PRLR: variants seen among roughly 807,000 people sequenced by gnomAD.
PRLR encodes the protein hPRL receptor.
A neutral mutation model predicts 40.2 loss-of-function variants in PRLR; 13 were observed. The ratio of observed to expected loss-of-function variants is 0.32; its 90% CI spans 0.21 to 0.51. PRLR has a LOEUF of 0.51. PRLR is among the 20% of genes least tolerant of loss of function. PRLR has a pLI of 0.97. For synonymous variants in PRLR, 269 were observed against 278.7 expected (o/e 0.97, Z 0.35); for missense variants, 656 against 747.3 (o/e 0.88, Z 1.42).
At chr5:35,109,931 G>A (rs192145886) in intron 2 of PRLR, among the ~76,000 whole-genome samples, 250 of 152,222 alleles carry the variant, frequency 1.6e-3, no homozygotes, top group African/African-American at 4.9e-3. Flanking sequence ...TGTTTATTGC[G>A]GCACTATTCA....
At chr5:35,177,602 C>A (rs1463105346) in intron 1 of PRLR, among the ~76,000 whole-genome samples, 1 of 152,094 alleles carries the variant, frequency 6.6e-6, no homozygotes, top group African/African-American at 2.4e-5. Context: ...CTTACCATAA[C>A]ATTTTTGAGG....
At chr5:35,116,564 G>A (rs931237469) in intron 2 of PRLR, among the ~76,000 whole-genome samples, 7 of 152,122 alleles carry the variant, frequency 4.6e-5, no homozygotes, top group African/African-American at 1.7e-4. Context: ...AACTCTTAAA[G>A]GAAAGGTCCA....
At chr5:35,225,161 A>C (rs889898591) in intron 1 of PRLR, among the ~76,000 whole-genome samples, 1 of 152,226 alleles carries the variant, frequency 6.6e-6, no homozygotes, top group Non-Finnish European at 1.5e-5. Context: ...TTAAAGGTAA[A>C]ACTTTAAATC....
intron 1 of PRLR, among the ~76,000 whole-genome samples, chr5:35,192,740 A>G (rs1486029759): frequency 6.6e-6 from 1 of 152,220 alleles, no homozygotes; most frequent in African/African-American, 2.4e-5. Flanking sequence ...GCCCCAAGAA[A>G]ACAGATTCTT....
chr5:35,180,413 TTCTC>T (rs1775262321), intron 1 of PRLR, among the ~76,000 whole-genome samples: 1 of 152,100 alleles, frequency 6.6e-6, no homozygotes, highest in Admixed American at 6.6e-5. Context: ...TGGCACCTTG[TTCTC>T]TCTCTCACTC....
At chr5:35,223,107 G>A (rs1174825074) in intron 1 of PRLR, among the ~76,000 whole-genome samples, 2 of 152,258 alleles carry the variant, frequency 1.3e-5, no homozygotes, top group East Asian at 1.9e-4. Context: ...ATCACCACGA[G>A]GAATTATCTG....
chr5:35,210,231 T>TA (rs1776135157), intron 1 of PRLR, among the ~76,000 whole-genome samples: 1 of 152,198 alleles, frequency 6.6e-6, no homozygotes, highest in Admixed American at 6.5e-5. Flanking sequence ...TTACCATACT[T>TA]ATAAATGCAA....
rs1769075040 is a variant in PRLR at position 35,062,155 on chromosome 5, G to A, written c.*2934C>T. On this transcript the variant is annotated 3_prime_UTR_variant, in exon 10 of 10. Transcript: ENST00000618457. Reference sequence around the variant, plus strand: ...AGAGCACATCACTGAAGATTACTTTGTATTTCTATGATGAAGAGCAATTTT... The same window carrying A: ...AGAGCACATCACTGAAGATTACTTTATATTTCTATGATGAAGAGCAATTTT... 1 of 152,150 alleles carries A rather than the reference G, an allele frequency of 6.6e-6. No individual in the cohort carries two copies. The highest frequency in any genetic ancestry group is 6.5e-5 in the Admixed American group (1 of 15,270). The allele number at this position is 152,150 out of a possible 1,614,324, so 9.4% of individuals were successfully genotyped here.
chr5:35,068,353 A>G (rs1769510757), intron 8 of PRLR, 68 bp from the exon 9 acceptor site: 3 of 1,375,536 alleles, frequency 2.2e-6, no homozygotes, highest in Non-Finnish European at 3.1e-6. Flanking sequence ...AAAGGTTAGT[A>G]TAATAGCCAC....
intron 2 of PRLR, among the ~76,000 whole-genome samples, chr5:35,092,014 C>G (rs1374355127): frequency 3.3e-5 from 5 of 152,106 alleles, no homozygotes; most frequent in African/African-American, 1.2e-4. Flanking sequence ...AAGCAGGGCT[C>G]CATGCGTTTT....
At chr5:35,202,918 C>G (rs898390287) in intron 1 of PRLR, among the ~76,000 whole-genome samples, 1 of 152,136 alleles carries the variant, frequency 6.6e-6, no homozygotes, top group African/African-American at 2.4e-5. Flanking sequence ...CCTGAAAATA[C>G]CAGTGCAAAT....
chr5:35,188,769 C>A (rs556539182), intron 1 of PRLR, among the ~76,000 whole-genome samples: 1 of 152,316 alleles, frequency 6.6e-6, no homozygotes, highest in Admixed American at 6.5e-5. Context: ...GTCCACTGTC[C>A]TGGGAGCTTT....
chr5:35,211,629 T>C (rs1776170730), intron 1 of PRLR, among the ~76,000 whole-genome samples: 1 of 152,198 alleles, frequency 6.6e-6, no homozygotes, highest in Non-Finnish European at 1.5e-5. Flanking sequence ...TATAACCTGA[T>C]AGTTAACTTA....
chr5:35,122,827 C>T (rs555435161), intron 1 of PRLR, among the ~76,000 whole-genome samples: 1 of 152,210 alleles, frequency 6.6e-6, no homozygotes, highest in South Asian at 2.1e-4. Context: ...AAGGCATGGG[C>T]CTTGTTTAGG....
chr5:35,182,919 T>C (rs62355518), intron 1 of PRLR, among the ~76,000 whole-genome samples: 28,295 of 152,212 alleles, frequency 0.19, 2,849 homozygotes, highest in African/African-American at 0.26. Flanking sequence ...AAACAGTTAA[T>C]GTGGGAAATA....
chr5:35,204,389 G>A (rs1035430579), intron 1 of PRLR, among the ~76,000 whole-genome samples: 4 of 151,998 alleles, frequency 2.6e-5, no homozygotes, highest in African/African-American at 9.7e-5. Context: ...ATGAGGATGG[G>A]GATGGGCCGC....
rs538049228 is a variant in PRLR, at chr5:35,056,159, A to G, written c.*8930T>C. On this transcript the variant is annotated 3_prime_UTR_variant, in exon 10 of 10. Coordinates refer to ENST00000618457, the MANE Select transcript of PRLR (RefSeq NM_000949.7). ...ATGTGAACCTGATGATAACAAGAGA[A>G]AAATGCTTAACATTAGCAGGGGCAG... 2 of 152,342 alleles carry G rather than the reference A, an allele frequency of 1.3e-5. No homozygotes were observed. The highest frequency in any genetic ancestry group is 1.3e-4 in the Admixed American group (2 of 15,294). The allele number at this position is 152,342 out of a possible 1,614,324, so 9.4% of individuals were successfully genotyped here.
intron 1 of PRLR, among the ~76,000 whole-genome samples, chr5:35,194,115 G>A (rs751616065): frequency 1.3e-5 from 2 of 152,184 alleles, no homozygotes; most frequent in East Asian, 1.9e-4. Context: ...ACAACTGCCC[G>A]AGATGACTGG....
intron 1 of PRLR, among the ~76,000 whole-genome samples, chr5:35,155,151 A>G (rs1156629450): frequency 1.3e-5 from 2 of 152,214 alleles, no homozygotes; most frequent in East Asian, 3.8e-4. Flanking sequence ...CTTAAAATAA[A>G]AACTGAAGAT....
Sources: gnomAD v4.1 joint callset for allele counts (sites outside exome capture counted in the v4.1 genomes callset) on GRCh38, gnomAD v4.1.1 for gene constraint, MANE v1.5 for transcripts, NCBI Gene and HGNC (gene_info 2026-07-23, HGNC 2026-07-21) for gene names.